NOX4: variants seen among roughly 807,000 people sequenced by gnomAD.
NOX4 encodes NADPH oxidase 4.
A neutral mutation model predicts 87.6 loss-of-function variants in NOX4; 69 were observed. The ratio of observed to expected loss-of-function variants is 0.79; its 90% CI spans 0.65 to 0.96. The LOEUF (loss-of-function observed/expected upper bound fraction) is 0.96, where lower values mean the gene tolerates loss of function less well. Among genes scored for constraint, NOX4 ranks in the 40% least tolerant of loss-of-function variants. The pLI is 0.00. For missense variants in NOX4, 680 were observed against 681.5 expected (o/e 1.00, Z 0.02); for synonymous variants, 275 against 238.2 (o/e 1.15, Z -1.42).
At chr11:89,418,581 T>C (rs1264679528) in intron 8 of NOX4, among the ~76,000 whole-genome samples, 2 of 151,754 alleles carry the variant, frequency 1.3e-5, no homozygotes, top group Non-Finnish European at 2.9e-5. Context: ...AGATCTGAAA[T>C]ATCACAACGT....
chr11:89,412,989 A>T (rs1191123443), intron 8 of NOX4, among the ~76,000 whole-genome samples: 1 of 152,124 alleles, frequency 6.6e-6, no homozygotes, highest in Admixed American at 6.5e-5. Context: ...TAAGAAAAAA[A>T]TCTAATAATC....
Position 89,444,262 on chromosome 11 carries a change from G to A in NOX4, c.350-30C>T, listed in dbSNP as rs185210389. 5.0e-5 allele frequency: 79 copies of A among 1,581,564 alleles called. No homozygotes were observed. In the African/African-American group the frequency reaches 7.9e-4, roughly 16 times the overall value. On this transcript the variant is annotated intron_variant, in intron 4 of 17. Coordinates refer to ENST00000263317, the MANE Select transcript of NOX4 (RefSeq NM_016931.5). Reference sequence around the variant, plus strand: ...AGAATTACACCAGGGGTAAGTTAGTGGGATTTGCATATATGCTCTATGTCA... The same window carrying A: ...AGAATTACACCAGGGGTAAGTTAGTAGGATTTGCATATATGCTCTATGTCA...
chr11:89,541,115 CCTCTTAAATT>C, the NOX4 span, among the ~76,000 whole-genome samples: 1 of 152,100 alleles, frequency 6.6e-6, no homozygotes, highest in East Asian at 1.9e-4. Flanking sequence ...CCCTCAAAAT[CCTCTTAAATT>C]CTCTTTGAAA....
chr11:89,383,918 C>A (rs1940491273), intron 11 of NOX4, among the ~76,000 whole-genome samples: 13 of 152,058 alleles, frequency 8.5e-5, no homozygotes, highest in Admixed American at 8.5e-4. Context: ...TGATCATGCA[C>A]CCCTTACCAT....
chr11:89,393,522 T>C (rs1362378152), intron 11 of NOX4, among the ~76,000 whole-genome samples: 1 of 152,122 alleles, frequency 6.6e-6, no homozygotes, highest in Non-Finnish European at 1.5e-5. Flanking sequence ...CATTTTCAAG[T>C]TGAAAAGCCA....
At chr11:89,340,325 T>C (rs1479742532) in intron 14 of NOX4, among the ~76,000 whole-genome samples, 154 bp from the exon 15 acceptor site, 1 of 152,326 alleles carries the variant, frequency 6.6e-6, no homozygotes. Flanking sequence ...CATTCTAGCG[T>C]CTGATAGCAC....
At chr11:89,469,995 A>T (rs750449282) in intron 2 of NOX4, among the ~76,000 whole-genome samples, 1 of 152,064 alleles carries the variant, frequency 6.6e-6, no homozygotes, top group African/African-American at 2.4e-5. Flanking sequence ...AAACCTGAAT[A>T]TGAAGCCCCT....
intron 12 of NOX4, among the ~76,000 whole-genome samples, chr11:89,361,034 T>C (rs1459462983): frequency 1.3e-5 from 2 of 152,022 alleles, no homozygotes; most frequent in African/African-American, 2.4e-5. Flanking sequence ...CTATGTACAA[T>C]ACATGGAGAT....
intron 6 of NOX4, among the ~76,000 whole-genome samples, chr11:89,433,981 G>A (rs1943952811): frequency 6.6e-6 from 1 of 152,008 alleles, no homozygotes; most frequent in Non-Finnish European, 1.5e-5. Context: ...ACAAGCAACA[G>A]TAAGTCCTGA....
intron 2 of NOX4, among the ~76,000 whole-genome samples, chr11:89,473,473 A>C (rs943042047): frequency 6.6e-6 from 1 of 152,126 alleles, no homozygotes; most frequent in African/African-American, 2.4e-5. Flanking sequence ...ACAAAAAAAA[A>C]AATGAGAGAA....
the NOX4 span, among the ~76,000 whole-genome samples, chr11:89,550,371 A>C: frequency 2.1e-4 from 32 of 152,030 alleles, no homozygotes; most frequent in Non-Finnish European, 4.0e-4. Context: ...TTTTTATTAG[A>C]GATGGGTTTT....
At chr11:89,443,589 T>C (rs566937566) in intron 5 of NOX4, 1 of 152,986 alleles carries the variant, frequency 6.5e-6, no homozygotes, top group South Asian at 2.1e-4. Context: ...CATGGATGGC[T>C]TCACATGGAG....
At chr11:89,396,244 G>A (rs890930903) in intron 11 of NOX4, among the ~76,000 whole-genome samples, 2 of 151,968 alleles carry the variant, frequency 1.3e-5, no homozygotes, top group Non-Finnish European at 2.9e-5. Flanking sequence ...GGATTCCTAG[G>A]TATTTTATTC....
the NOX4 span, among the ~76,000 whole-genome samples, chr11:89,580,806 T>C: frequency 6.6e-6 from 1 of 152,184 alleles, no homozygotes; most frequent in Non-Finnish European, 1.5e-5. Context: ...TGATAGGGTT[T>C]GAATGGAAAT....
At chr11:89,491,497 G>A (rs1266813350), upstream of NOX4, 47 of 481,336 alleles carry the variant, frequency 9.8e-5, no homozygotes, top group South Asian at 1.3e-3. Flanking sequence ...CTGCCCAGAC[G>A]CCCAGCGCTC....
At chr11:89,371,243 C>T (rs1235341103) in intron 12 of NOX4, among the ~76,000 whole-genome samples, 1 of 151,840 alleles carries the variant, frequency 6.6e-6, no homozygotes, top group Admixed American at 6.6e-5. Flanking sequence ...TGCATGACTG[C>T]TTATATTTTT....
At chr11:89,573,249 T>C in the NOX4 span, among the ~76,000 whole-genome samples, 88 of 152,324 alleles carry the variant, frequency 5.8e-4, no homozygotes, top group African/African-American at 2.1e-3. Flanking sequence ...TAAGAACTGA[T>C]GCTTTTGGCT....
the NOX4 span, among the ~76,000 whole-genome samples, chr11:89,509,912 C>A: frequency 1.5e-4 from 23 of 151,970 alleles, no homozygotes; most frequent in African/African-American, 5.6e-4. Context: ...CTATGCCAGG[C>A]ACTGCTAGGT....
upstream of NOX4, among the ~76,000 whole-genome samples, chr11:89,500,033 T>G (rs1336285618): frequency 6.6e-6 from 1 of 152,168 alleles, no homozygotes; most frequent in Non-Finnish European, 1.5e-5. Context: ...ATTTCATTAC[T>G]ATTCCTCCTA....
Sources: allele counts gnomAD v4.1 joint callset (sites outside exome capture counted in the v4.1 genomes callset), GRCh38; gene constraint gnomAD v4.1.1; transcripts MANE v1.5; gene names NCBI Gene and HGNC (gene_info 2026-07-23, HGNC 2026-07-21).